TBC1D8: variants seen among roughly 807,000 people sequenced by gnomAD.
TBC1D8 encodes the protein TBC1 domain family member 8.
Under a neutral mutation model 118.8 loss-of-function variants are expected in TBC1D8, and 65 were observed. That is an observed-to-expected ratio of 0.55 (90% CI 0.45 to 0.67). TBC1D8 has a LOEUF of 0.67. TBC1D8 is among the 30% of genes least tolerant of loss of function. TBC1D8 has a pLI of 0.00. For missense variants in TBC1D8, 1,376 were observed against 1,471.2 expected (o/e 0.94, Z 1.06); for synonymous variants, 566 against 595.8 (o/e 0.95, Z 0.73).
At chr2:101,131,948 A>C (rs534091353) in intron 1 of TBC1D8, among the ~76,000 whole-genome samples, 1 of 152,366 alleles carries the variant, frequency 6.6e-6, no homozygotes, top group South Asian at 2.1e-4. Context: ...AAAAATTGTT[A>C]TAGGTATATT....
In TBC1D8 at chr2:101,041,298, A is replaced by G. The variant is rs138178226; in HGVS notation, c.873-913T>C. ...AAATAACCCAAGTGTCCATTAACTGATAAGTGGATAAACAAAATGTAGTGT... is the reference window on the plus strand; with the variant it reads ...AAATAACCCAAGTGTCCATTAACTGGTAAGTGGATAAACAAAATGTAGTGT... On this transcript the variant is annotated intron_variant, in intron 5 of 19. Coordinates refer to ENST00000409318, the MANE Select transcript of TBC1D8 (RefSeq NM_001330348.2). 4.7e-4 allele frequency among the ~76,000 whole-genome samples: 72 copies of G among 152,366 alleles called. No homozygotes were observed. In the East Asian group the frequency reaches 0.014, roughly 29 times the overall value.
intron 1 of TBC1D8, among the ~76,000 whole-genome samples, chr2:101,093,366 T>TAC (rs1205280218): frequency 6.6e-6 from 1 of 152,110 alleles, no homozygotes; most frequent in African/African-American, 2.4e-5. Flanking sequence ...CATACTTACA[T>TAC]ACACACACAC....
intron 19 of TBC1D8, among the ~76,000 whole-genome samples, chr2:101,008,826 G>A (rs1029881982): frequency 1.3e-5 from 2 of 149,956 alleles, no homozygotes; most frequent in African/African-American, 4.9e-5. Context: ...AAAAAAAAAT[G>A]AAACCACAGC....
intron 1 of TBC1D8, among the ~76,000 whole-genome samples, chr2:101,102,458 TA>T (rs746167116): frequency 0.046 from 6,009 of 131,250 alleles, 206 homozygotes; most frequent in African/African-American, 0.1. Context: ...CATAAAAAGT[TA>T]AAAAAAAAAA....
Position 101,022,343 on chromosome 2 carries a change from A to C in TBC1D8, c.2699T>G (p.Phe900Cys), listed in dbSNP as rs772553078. 1 of 1,612,586 alleles carries C rather than the reference A, an allele frequency of 6.2e-7. No homozygotes were observed. Among genetic ancestry groups the C allele is most frequent in the African/African-American group, 1.3e-5 (1 of 74,832 alleles). The change falls in exon 16 of 20, where the codon TTC becomes TGC. Residue 900 changes from phenylalanine (F) to cysteine (C), a missense_variant. Transcript: ENST00000409318. ...AHTEILAERT[F>C]RLLDDNMDQL... ...GTCCATGTTGTCATCCAAGAGCCTG[A>C]ACGTCCTTTCGGCGAGGATCTCCGT...
At chr2:101,050,263 C>A (rs1045418857) in intron 5 of TBC1D8, 138 bp downstream of exon 5, 67 of 1,319,810 alleles carry the variant, frequency 5.1e-5, no homozygotes, top group Non-Finnish European at 6.2e-5. Context: ...TAACGACATA[C>A]AAAAATCTGG....
intron 1 of TBC1D8, among the ~76,000 whole-genome samples, chr2:101,122,295 A>G (rs1678151111): frequency 7.0e-6 from 1 of 143,826 alleles, no homozygotes; most frequent in Non-Finnish European, 1.5e-5. Context: ...CTGGTCTCGA[A>G]CTCCTGACCT....
intron 2 of TBC1D8, among the ~76,000 whole-genome samples, chr2:101,071,007 C>T (rs1683279927): frequency 6.6e-6 from 1 of 152,026 alleles, no homozygotes; most frequent in Admixed American, 6.6e-5. Flanking sequence ...GAATGTAATT[C>T]TTGGGGGTTT....
chr2:101,019,214 C>G, intron 17 of TBC1D8: 1 of 644,690 alleles, frequency 1.6e-6, no homozygotes, highest in South Asian at 3.0e-5. Flanking sequence ...CTGATGTCTT[C>G]TGCCCTTGCC....
intron 14 of TBC1D8, among the ~76,000 whole-genome samples, chr2:101,027,667 G>T (rs1437958189): frequency 1.3e-5 from 2 of 152,200 alleles, no homozygotes; most frequent in African/African-American, 4.8e-5. Context: ...CAGTGCCTAA[G>T]GACAAACCTA....
At chr2:101,061,611 T>G (rs564699608) in intron 2 of TBC1D8, among the ~76,000 whole-genome samples, 2 of 152,056 alleles carry the variant, frequency 1.3e-5, no homozygotes, top group Non-Finnish European at 2.9e-5. Flanking sequence ...AGGCCATGAC[T>G]TCCCCGGTCC....
In TBC1D8 at chr2:101,050,604, T is replaced by C; in HGVS notation, c.669A>G (p.Leu223=). 3.7e-6 allele frequency: 6 copies of C among 1,614,004 alleles called. No individual in the cohort carries two copies. Among genetic ancestry groups the C allele is most frequent in the Non-Finnish European group, 5.1e-6 (6 of 1,179,892 alleles). The change falls in exon 5 of 20, where the codon TTA becomes TTG. Residue 223 remains leucine (L), a synonymous_variant. Transcript: ENST00000409318. ...TCAGAAAGACATTGGACGTTCTTTC[T>C]AATTTCTGGATATCAACCCACGGAA... ...LVVPWVDIQK[L]ERTSNVFLTD...
In TBC1D8 at chr2:101,059,664, G is replaced by T. The variant is rs569022197; in HGVS notation, c.284-125C>A. On this transcript the variant is annotated intron_variant, in intron 2 of 19. Coordinates refer to ENST00000409318, the MANE Select transcript of TBC1D8 (RefSeq NM_001330348.2). ...ATGTTAAAACATCTGGCCTTGGCCA[G>T]GCGCAGTGGCTCACGCCTGTAATCC... 1.3e-5 allele frequency: 10 copies of T among 783,756 alleles called. No homozygotes were observed. The East Asian group carries it at 2.7e-4, about 21-fold the overall frequency. The allele number at this position is 783,756 out of a possible 1,614,324, so 48.6% of individuals were successfully genotyped here. A position where few individuals can be genotyped will look rare whatever the true frequency, so the allele number is the denominator to read the frequency against.
chr2:101,039,319 T>C (rs1246398981), intron 6 of TBC1D8, among the ~76,000 whole-genome samples: 1 of 152,148 alleles, frequency 6.6e-6, no homozygotes, highest in East Asian at 1.9e-4. Context: ...AATGAAGACA[T>C]CTACTACAGA....
intron 1 of TBC1D8, among the ~76,000 whole-genome samples, chr2:101,145,044 C>T (rs893969994): frequency 6.6e-6 from 1 of 152,210 alleles, no homozygotes; most frequent in Admixed American, 6.5e-5. Context: ...TAAATGAATT[C>T]TTTACAAGCT....
intron 1 of TBC1D8, among the ~76,000 whole-genome samples, chr2:101,140,977 G>A (rs527441168): frequency 6.6e-6 from 1 of 152,012 alleles, no homozygotes; most frequent in South Asian, 2.1e-4. Flanking sequence ...GGCCAGGCTG[G>A]TCTCAAACCT....
At chr2:101,149,024 G>A (rs1679436599) in intron 1 of TBC1D8, among the ~76,000 whole-genome samples, 3 of 152,122 alleles carry the variant, frequency 2.0e-5, no homozygotes, top group African/African-American at 7.2e-5. Flanking sequence ...ATCGGCATTG[G>A]CTTCCCAGCT....
At chr2:101,080,348 G>C (rs1675180398) in intron 2 of TBC1D8, among the ~76,000 whole-genome samples, 3 of 152,004 alleles carry the variant, frequency 2.0e-5, no homozygotes, top group Non-Finnish European at 4.4e-5. Flanking sequence ...AAGCACCCAG[G>C]GTGTTCTGTT....
intron 15 of TBC1D8, among the ~76,000 whole-genome samples, chr2:101,025,630 C>T (rs1417009813): frequency 6.6e-6 from 1 of 151,940 alleles, no homozygotes; most frequent in Non-Finnish European, 1.5e-5. Flanking sequence ...TTGTGTCTTT[C>T]AATTAAACTT....
Sources: allele counts gnomAD v4.1 joint callset (sites outside exome capture counted in the v4.1 genomes callset), GRCh38; gene constraint gnomAD v4.1.1; transcripts MANE v1.5; gene names NCBI Gene and HGNC (gene_info 2026-07-23, HGNC 2026-07-21).